The following MYT1L variants were observed in gnomAD, a reference collection of about 807,000 sequenced individuals.
MYT1L encodes the protein myelin transcription factor 1-like protein.
In MYT1L, 12 loss-of-function variants were observed where a neutral mutation model predicts 126.7. That is an observed-to-expected ratio of 0.09 (90% CI 0.06 to 0.15). The LOEUF is 0.15. MYT1L is among the 10% of genes least tolerant of loss of function. The pLI, the probability that MYT1L is intolerant of heterozygous loss-of-function variation, is 1.00. For synonymous variants in MYT1L, 541 were observed against 604.2 expected (o/e 0.90, Z 1.53); for missense variants, 979 against 1,585.2 (o/e 0.62, Z 6.49).
intron 3 of MYT1L, among the ~76,000 whole-genome samples, chr2:2,132,815 T>C (rs571601614): frequency 1.3e-5 from 2 of 152,204 alleles, no homozygotes; most frequent in South Asian, 2.1e-4. Context: ...TACAGAAATA[T>C]ATGAACTAAA....
chr2:2,259,844 G>A (rs1206826398), intron 2 of MYT1L, among the ~76,000 whole-genome samples: 1 of 152,064 alleles, frequency 6.6e-6, no homozygotes, highest in Non-Finnish European at 1.5e-5. Context: ...TAACCTTCCC[G>A]AGCTCCAGTT....
At chr2:2,181,155 T>C (rs1044324019) in intron 2 of MYT1L, among the ~76,000 whole-genome samples, 1 of 151,956 alleles carries the variant, frequency 6.6e-6, no homozygotes, top group Non-Finnish European at 1.5e-5. Flanking sequence ...TGCCTGAGTA[T>C]GTACCTGTGT....
At chr2:1,959,222 C>A (rs2058759782) in intron 8 of MYT1L, among the ~76,000 whole-genome samples, 1 of 152,234 alleles carries the variant, frequency 6.6e-6, no homozygotes, top group Non-Finnish European at 1.5e-5. Flanking sequence ...TGCGGATCTG[C>A]TCTTTCCAGA....
chr2:2,268,257 G>T (rs936116906), intron 2 of MYT1L, among the ~76,000 whole-genome samples: 3 of 151,934 alleles, frequency 2.0e-5, no homozygotes, highest in African/African-American at 7.3e-5. Flanking sequence ...AAATAATAGA[G>T]TAATTTACCT....
At chr2:2,176,318 C>T (rs1043923638) in intron 2 of MYT1L, among the ~76,000 whole-genome samples, 4 of 152,110 alleles carry the variant, frequency 2.6e-5, no homozygotes, top group Admixed American at 6.5e-5. Context: ...TTTTTAAACA[C>T]TCATGTACCC....
intron 2 of MYT1L, among the ~76,000 whole-genome samples, chr2:2,278,399 C>T (rs973332947): frequency 2.6e-5 from 4 of 152,150 alleles, no homozygotes; most frequent in African/African-American, 9.7e-5. Context: ...TGCAACTTTG[C>T]ATTTATTGTA....
chr2:1,984,505 ATTTTTT>A lies in MYT1L; in HGVS notation c.1-4734_1-4729del, dbSNP rs35510686. Among the ~76,000 whole-genome samples the A allele has an allele frequency of 1.7e-4, 19 of 114,276 alleles. No homozygotes were observed. The South Asian group carries it at 2.3e-3, about 14-fold the overall frequency. 75.0% of individuals were successfully genotyped at this position (114,276 alleles called of 152,430 possible). ...AGCCATGGTACCTGGCCAAGAACTA[ATTTTTT>A]TTTTTTTTTTTTTTTTGAGACAGAG... is the stretch of plus-strand genomic sequence containing the variant. On this transcript the variant is annotated intron_variant, in intron 5 of 24. Transcript: ENST00000647738.
intron 1 of MYT1L, among the ~76,000 whole-genome samples, chr2:2,299,019 A>G (rs1261076151): frequency 6.6e-6 from 1 of 151,730 alleles, no homozygotes; most frequent in Non-Finnish European, 1.5e-5. Flanking sequence ...CACCTGGCTA[A>G]TTTTCTGTAT....
intron 3 of MYT1L, among the ~76,000 whole-genome samples, chr2:2,106,534 C>T (rs1471287076): frequency 1.3e-5 from 2 of 152,266 alleles, no homozygotes; most frequent in African/African-American, 4.8e-5. Context: ...AGGAGAATTG[C>T]TTGACCCTGG....
intron 21 of MYT1L, among the ~76,000 whole-genome samples, chr2:1,833,471 T>C (rs73913428): frequency 0.045 from 6,847 of 152,274 alleles, 499 homozygotes; most frequent in African/African-American, 0.16. Flanking sequence ...TCCGCTCTGC[T>C]GCTTCCTCAT....
intron 3 of MYT1L, among the ~76,000 whole-genome samples, chr2:2,084,488 T>C (rs973461803): frequency 6.6e-6 from 1 of 152,166 alleles, no homozygotes; most frequent in African/African-American, 2.4e-5. Flanking sequence ...TGTGTTTGCT[T>C]TGACTGGCCC....
intron 3 of MYT1L, among the ~76,000 whole-genome samples, chr2:2,150,482 C>T (rs1395299206): frequency 1.3e-5 from 2 of 152,132 alleles, no homozygotes; most frequent in Admixed American, 6.5e-5. Flanking sequence ...TTGCAAAGTA[C>T]AGTTTGAACA....
intron 4 of MYT1L, among the ~76,000 whole-genome samples, chr2:2,044,233 C>T (rs945347409): frequency 2.6e-5 from 4 of 152,208 alleles, no homozygotes; most frequent in African/African-American, 4.8e-5. Flanking sequence ...ACTGTTCATA[C>T]TTGTCTATAA....
chr2:2,188,350 G>A (rs1187085145), intron 2 of MYT1L, among the ~76,000 whole-genome samples: 1 of 152,184 alleles, frequency 6.6e-6, no homozygotes, highest in Non-Finnish European at 1.5e-5. Context: ...GAATTAAGAG[G>A]TGCATCTCCT....
chr2:2,238,403 G>A (rs1013523697), intron 2 of MYT1L, among the ~76,000 whole-genome samples: 1 of 152,214 alleles, frequency 6.6e-6, no homozygotes, highest in Non-Finnish European at 1.5e-5. Context: ...GAAGGGTGGG[G>A]TCACTGGGTG....
chr2:2,092,907 C>T (rs1470983439), intron 3 of MYT1L, among the ~76,000 whole-genome samples: 1 of 152,222 alleles, frequency 6.6e-6, no homozygotes, highest in Non-Finnish European at 1.5e-5. Flanking sequence ...GGGCATCGCC[C>T]TGCCCTTTAG....
chr2:1,798,904 T>C (rs1343097808), intron 23 of MYT1L, among the ~76,000 whole-genome samples: 1 of 152,208 alleles, frequency 6.6e-6, no homozygotes, highest in Non-Finnish European at 1.5e-5. Context: ...CACATTGTTT[T>C]CTGGTAAGTT....
At chr2:1,939,051 T>C (rs1394807348) in intron 9 of MYT1L, among the ~76,000 whole-genome samples, 1 of 152,144 alleles carries the variant, frequency 6.6e-6, no homozygotes, top group Non-Finnish European at 1.5e-5. Flanking sequence ...CCGGGATAAA[T>C]CGCCTGAGAC....
At chr2:1,991,856 C>T (rs996663673) in intron 5 of MYT1L, among the ~76,000 whole-genome samples, 4 of 152,202 alleles carry the variant, frequency 2.6e-5, no homozygotes, top group African/African-American at 7.2e-5. Flanking sequence ...CTCTGGATCA[C>T]GTTCCCCCAA....
Sources: allele counts gnomAD v4.1 joint callset (sites outside exome capture counted in the v4.1 genomes callset), GRCh38; gene constraint gnomAD v4.1.1; transcripts MANE v1.5; gene names NCBI Gene and HGNC (gene_info 2026-07-23, HGNC 2026-07-21).